HIVEP2: variants seen among roughly 807,000 people sequenced by gnomAD.
HIVEP2 encodes transcription factor HIVEP2.
In HIVEP2, 14 loss-of-function variants were observed where a neutral mutation model predicts 180.7. The ratio of observed to expected loss-of-function variants is 0.08; its 90% confidence interval spans 0.05 to 0.12. The LOEUF is 0.12. Among genes scored for constraint, HIVEP2 ranks in the 10% least tolerant of loss-of-function variants. HIVEP2 has a pLI of 1.00. For synonymous variants in HIVEP2, 1,184 were observed against 1,136.4 expected, an observed-to-expected ratio of 1.04 and a Z score of -0.84; for missense variants, 2,579 against 3,008.5, an observed-to-expected ratio of 0.86 and a Z score of 3.34.
At position 142,773,009 on chromosome 6, in the gene HIVEP2, A is replaced by G; in HGVS notation, c.1730T>C (p.Phe577Ser). 1.2e-6 allele frequency: 2 copies of G among 1,614,188 alleles called. No individual in the cohort carries two copies. The highest frequency in any genetic ancestry group is 2.2e-5 in the East Asian group (1 of 44,888). Residue 577 changes from phenylalanine (F) to serine (S), a missense_variant, in exon 5 of 10, where the codon TTC becomes TCC. This residue lies in a region of HIVEP2 where 524 missense variants were observed against 563.6 expected (regional missense o/e 0.93). Coordinates refer to ENST00000367603, the MANE Select transcript of HIVEP2 (RefSeq NM_006734.4). Reference sequence around the variant, plus strand: ...GGGTATGCCCACGGTCCCTGGATAGAATACATCGTCGGAACCAGTCATCCT... The same window carrying G: ...GGGTATGCCCACGGTCCCTGGATAGGATACATCGTCGGAACCAGTCATCCT... ...DERMTGSDDV[F>S]YPGTVGIPPQ... is the part of the protein sequence containing the mutation.
chr6:142,940,011 A>G (rs370442313), intron 1 of HIVEP2, among the ~76,000 whole-genome samples: 75 of 152,362 alleles, frequency 4.9e-4, no homozygotes, highest in African/African-American at 1.7e-3. Context: ...ATGGAAAGTA[A>G]GAAATCAGAA....
At chr6:142,792,234 C>T (rs377756907) in intron 2 of HIVEP2, among the ~76,000 whole-genome samples, 5 of 152,096 alleles carry the variant, frequency 3.3e-5, no homozygotes, top group African/African-American at 7.2e-5. Context: ...CCATCCCTTT[C>T]GGGCAAACTC....
At chr6:142,878,295 C>A (rs1776496145) in intron 1 of HIVEP2, among the ~76,000 whole-genome samples, 1 of 152,100 alleles carries the variant, frequency 6.6e-6, no homozygotes, top group South Asian at 2.1e-4. Flanking sequence ...CAAATGTTCC[C>A]AATTTCAACA....
At chr6:142,906,281 TAACAA>T (rs1777263515) in intron 1 of HIVEP2, among the ~76,000 whole-genome samples, 1 of 151,936 alleles carries the variant, frequency 6.6e-6, no homozygotes, top group African/African-American at 2.4e-5. Context: ...ATGTGCAAAA[TAACAA>T]AACGAGAATT....
Position 142,771,900 on chromosome 6 carries a change from T to C in HIVEP2, c.2839A>G (p.Met947Val). ...CTGGACTCCCCTGAGGAGTGCTCCA[T>C]ATCTGCAAGTCGCAGACGCTTCTTT... ...PKKKRLRLAD[M>V]EHSSGESSFE... The change falls in exon 5 of 10, where the codon ATG becomes GTG. Residue 947 changes from methionine (M) to valine (V), a missense_variant. By Grantham distance (21) the Met-to-Val change is conservative. This residue lies in a region of HIVEP2 where 51 missense variants were observed against 102.8 expected (regional missense o/e 0.50). Transcript: ENST00000367603. This position sits in a 1 kb window ranked among gnomAD's most constrained non-coding sequence, Gnocchi z 5.4. 2 of 1,614,228 alleles carry C rather than the reference T, an allele frequency of 1.2e-6. No homozygotes were observed. Among genetic ancestry groups the C allele is most frequent in the South Asian group, 1.1e-5 (1 of 91,086 alleles).
intron 2 of HIVEP2, among the ~76,000 whole-genome samples, chr6:142,819,938 G>A (rs757372552): frequency 3.9e-5 from 6 of 152,158 alleles, no homozygotes; most frequent in Non-Finnish European, 7.3e-5. Flanking sequence ...GGATTTCGGC[G>A]TGTTGTATAG....
chr6:142,941,547 G>A (rs890024238), intron 1 of HIVEP2, among the ~76,000 whole-genome samples: 1 of 152,096 alleles, frequency 6.6e-6, no homozygotes, highest in Admixed American at 6.5e-5. Context: ...CCCAAACACT[G>A]TAAATCCTAC....
At chr6:142,865,595 C>G (rs185320969) in intron 1 of HIVEP2, among the ~76,000 whole-genome samples, 1 of 152,148 alleles carries the variant, frequency 6.6e-6, no homozygotes, top group South Asian at 2.1e-4. Context: ...TGACTTCAGG[C>G]ATACTATAAA....
intron 1 of HIVEP2, among the ~76,000 whole-genome samples, chr6:142,934,637 C>T (rs1343746325): frequency 6.6e-6 from 1 of 152,110 alleles, no homozygotes; most frequent in Non-Finnish European, 1.5e-5. Context: ...TAAGCATCAG[C>T]AGAAGAAAGA....
At chr6:142,912,168 G>C (rs576288686) in intron 1 of HIVEP2, among the ~76,000 whole-genome samples, 1 of 152,106 alleles carries the variant, frequency 6.6e-6, no homozygotes, top group Non-Finnish European at 1.5e-5. Flanking sequence ...TCAGCTGCAC[G>C]GCCACATTTC....
At chr6:142,787,722 T>C (rs1297998667) in intron 2 of HIVEP2, among the ~76,000 whole-genome samples, 1 of 152,120 alleles carries the variant, frequency 6.6e-6, no homozygotes, top group Admixed American at 6.6e-5. Context: ...GGATGATGAC[T>C]ATAAGCTTAG....
chr6:142,910,470 C>G lies in HIVEP2; in HGVS notation c.-641+34629G>C, dbSNP rs1057255114. Among the ~76,000 whole-genome samples, 4 of 152,306 alleles carry G rather than the reference C, an allele frequency of 2.6e-5. No individual in the cohort carries two copies. The East Asian group carries it at 7.7e-4, about 29-fold the overall frequency. ...CACAAAAATTAGCTGGGTGTGGTGG[C>G]GCATGCCTGTAGTCCCAGCTATATG... On this transcript the variant is annotated intron_variant, in intron 1 of 9. Coordinates refer to ENST00000367603, the MANE Select transcript of HIVEP2 (RefSeq NM_006734.4).
At chr6:142,861,842 A>T (rs1399020431) in intron 1 of HIVEP2, among the ~76,000 whole-genome samples, 1 of 152,184 alleles carries the variant, frequency 6.6e-6, no homozygotes, top group Non-Finnish European at 1.5e-5. Flanking sequence ...GTAGGTAAGC[A>T]CACCAGTCCG....
chr6:142,810,505 G>A (rs1420903630), intron 2 of HIVEP2, among the ~76,000 whole-genome samples: 2 of 152,174 alleles, frequency 1.3e-5, no homozygotes, highest in Non-Finnish European at 1.5e-5. Context: ...GCTCATGCCT[G>A]TAATCCCAGC....
rs753359071 is a variant in HIVEP2, at chr6:142,760,043, A to G, written c.6245T>C (p.Leu2082Pro). Residue 2082 changes from leucine to proline, a missense_variant, in exon 9 of 10, where the codon CTG (leucine) becomes CCG (proline). Physicochemically the swap from Leu to Pro is moderately conservative, Grantham distance 98 (BLOSUM62 -3). Coordinates refer to ENST00000367603, the MANE Select transcript of HIVEP2 (RefSeq NM_006734.4). Reference protein sequence around the residue: ...PRRHLSPRRDLSPMRHLSPRK... With the variant: ...PRRHLSPRRDPSPMRHLSPRK... Reference sequence around the variant, plus strand: ...TGGTGAAAGATGTCTCATGGGTGACAGATCTCTCCTAGGTGATAAATGTCT... The same window carrying G: ...TGGTGAAAGATGTCTCATGGGTGACGGATCTCTCCTAGGTGATAAATGTCT... The G allele has an allele frequency of 1.2e-6, 2 of 1,614,038 alleles. No individual in the cohort carries two copies. Among genetic ancestry groups the G allele is most frequent in the African/African-American group, 2.7e-5 (2 of 74,924 alleles).
chr6:142,810,322 A>G (rs1776660286), intron 2 of HIVEP2, among the ~76,000 whole-genome samples: 1 of 152,322 alleles, frequency 6.6e-6, no homozygotes, highest in Non-Finnish European at 1.5e-5. Flanking sequence ...TACAAAATCA[A>G]TCTTAAGAAT....
At chr6:142,899,286 C>CA (rs1256178424) in intron 1 of HIVEP2, among the ~76,000 whole-genome samples, 1 of 152,206 alleles carries the variant, frequency 6.6e-6, no homozygotes, top group African/African-American at 2.4e-5. Context: ...GGCAAATTCC[C>CA]ACCCATCCTG....
chr6:142,777,774 T>C (rs946432575), intron 3 of HIVEP2, among the ~76,000 whole-genome samples: 1 of 152,084 alleles, frequency 6.6e-6, no homozygotes, highest in Non-Finnish European at 1.5e-5. Flanking sequence ...TTTTGTTTAT[T>C]TTTCTTAACA....
Position 142,772,849 on chromosome 6 carries a change from A to G in HIVEP2, c.1890T>C (p.Pro630=). 3 of 1,614,204 alleles carry G rather than the reference A, an allele frequency of 1.9e-6. No homozygotes were observed. The highest frequency in any genetic ancestry group is 1.7e-6 in the Non-Finnish European group (2 of 1,180,030). The part of the protein sequence containing the change: ...SSSLKEKKLS[P]GDRVGYDYDV... ...CATAGTCATACCCAACCCTGTCCCC[A>G]GGAGACAATTTCTTTTCCTTCAGGG... The change falls in exon 5 of 10, where the codon CCT becomes CCC. Residue 630 remains proline, a synonymous_variant. Coordinates refer to ENST00000367603, the MANE Select transcript of HIVEP2 (RefSeq NM_006734.4). This position sits in a 1 kb window ranked among gnomAD's most constrained non-coding sequence, Gnocchi z 4.9.
Sources: gnomAD v4.1 joint callset for allele counts (sites outside exome capture counted in the v4.1 genomes callset) on GRCh38, gnomAD v4.1.1 for gene constraint, gnomAD v4.1.1 regional missense constraint, Gnocchi (gnomAD v3.1) non-coding constraint, MANE v1.5 for transcripts, NCBI Gene and HGNC (gene_info 2026-07-23, HGNC 2026-07-21) for gene names.